Variants in CTNND2 observed in about 807,000 individuals in gnomAD.
CTNND2 encodes the protein catenin delta-2.
CTNND2 carries 22 observed loss-of-function variants against 144.4 expected under a neutral mutation model. The ratio of observed to expected loss-of-function variants is 0.15; its 90% CI spans 0.11 to 0.22. CTNND2 has a LOEUF of 0.22. Among genes scored for constraint, CTNND2 ranks in the 10% least tolerant of loss-of-function variants. The pLI, the probability that CTNND2 is intolerant of heterozygous loss-of-function variation, is 1.00. For synonymous variants in CTNND2, 751 were observed against 695.6 expected (o/e 1.08, Z -1.25); for missense variants, 1,353 against 1,618.8 (o/e 0.84, Z 2.82).
At chr5:11,540,033 C>T (rs1025285076) in intron 3 of CTNND2, among the ~76,000 whole-genome samples, 3 of 151,682 alleles carry the variant, frequency 2.0e-5, no homozygotes, top group Non-Finnish European at 4.4e-5. Context: ...GACTCGGCCT[C>T]AAAAATTAAA....
At chr5:11,550,644 C>T (rs1411214115) in intron 3 of CTNND2, among the ~76,000 whole-genome samples, 1 of 152,198 alleles carries the variant, frequency 6.6e-6, no homozygotes, top group Non-Finnish European at 1.5e-5. Context: ...AAGACTGGGA[C>T]TTATGAATAC....
chr5:11,411,834 T>C (rs1235141199), intron 4 of CTNND2, among the ~76,000 whole-genome samples, 182 bp from the exon 5 acceptor site: 1 of 152,244 alleles, frequency 6.6e-6, no homozygotes, highest in Non-Finnish European at 1.5e-5. Flanking sequence ...CAATTTCATG[T>C]ACCCTTGAAG....
At chr5:11,572,382 T>A (rs1425337874) in intron 2 of CTNND2, among the ~76,000 whole-genome samples, 1 of 152,184 alleles carries the variant, frequency 6.6e-6, no homozygotes, top group Non-Finnish European at 1.5e-5. Flanking sequence ...TTTGGGTTCA[T>A]ACCTAGTTCT....
intron 7 of CTNND2, among the ~76,000 whole-genome samples, chr5:11,371,141 T>C (rs1159208172): frequency 1.3e-5 from 2 of 152,174 alleles, no homozygotes; most frequent in Non-Finnish European, 2.9e-5. Flanking sequence ...CCCATGATGA[T>C]AGGTCAGCAT....
At chr5:11,106,382 A>T (rs956800581) in intron 14 of CTNND2, among the ~76,000 whole-genome samples, 12 of 152,190 alleles carry the variant, frequency 7.9e-5, no homozygotes, top group Admixed American at 5.2e-4. Context: ...TCCTCATTCC[A>T]GTGTGAAGAA....
At chr5:11,073,882 G>C (rs997041729) in intron 16 of CTNND2, among the ~76,000 whole-genome samples, 1 of 152,096 alleles carries the variant, frequency 6.6e-6, no homozygotes, top group Non-Finnish European at 1.5e-5. Context: ...TAAGAAATAA[G>C]GTTTCTTTTT....
chr5:11,615,225 C>T (rs1780523704), intron 2 of CTNND2, among the ~76,000 whole-genome samples: 1 of 152,090 alleles, frequency 6.6e-6, no homozygotes, highest in African/African-American at 2.4e-5. Context: ...CAAAAGAAAT[C>T]ACCATTACCT....
intron 9 of CTNND2, among the ~76,000 whole-genome samples, chr5:11,273,647 A>C (rs532917027): frequency 3.3e-5 from 5 of 152,206 alleles, no homozygotes; most frequent in Non-Finnish European, 5.9e-5. Flanking sequence ...TAAGCATTGC[A>C]GGGAGATGAG....
chr5:11,598,263 T>A (rs1452039327), intron 2 of CTNND2, among the ~76,000 whole-genome samples: 1 of 152,168 alleles, frequency 6.6e-6, no homozygotes, highest in Non-Finnish European at 1.5e-5. Context: ...CACCACATCA[T>A]GTTCTTATTG....
intron 1 of CTNND2, among the ~76,000 whole-genome samples, chr5:11,733,602 C>A (rs193199094): frequency 1.3e-5 from 2 of 152,230 alleles, no homozygotes; most frequent in East Asian, 3.9e-4. Flanking sequence ...TAAAGAGATA[C>A]CTGAATTAAC....
intron 16 of CTNND2, among the ~76,000 whole-genome samples, chr5:11,055,147 G>T (rs1253341458): frequency 6.6e-6 from 1 of 152,134 alleles, no homozygotes; most frequent in Non-Finnish European, 1.5e-5. Context: ...AAGGACGTAG[G>T]TACTGAATGA....
At chr5:11,196,252 G>GT (rs1439770975) in intron 11 of CTNND2, among the ~76,000 whole-genome samples, 3 of 152,252 alleles carry the variant, frequency 2.0e-5, no homozygotes, top group African/African-American at 7.2e-5. Context: ...CTGTGCTTTA[G>GT]TTTTTTAAAA....
At chr5:11,682,545 G>A (rs1055970780) in intron 2 of CTNND2, among the ~76,000 whole-genome samples, 3 of 152,152 alleles carry the variant, frequency 2.0e-5, no homozygotes, top group African/African-American at 7.2e-5. Context: ...GAGAAAAAAG[G>A]TTCCTCCTTT....
At chr5:11,706,968 C>T (rs1301839144) in intron 2 of CTNND2, among the ~76,000 whole-genome samples, 2 of 151,544 alleles carry the variant, frequency 1.3e-5, no homozygotes, top group Non-Finnish European at 2.9e-5. Context: ...CGCCTGTAGT[C>T]CCAGCTACTC....
chr5:10,993,127 G>A (rs898616051), intron 18 of CTNND2, among the ~76,000 whole-genome samples: 3 of 152,080 alleles, frequency 2.0e-5, no homozygotes, highest in East Asian at 3.9e-4. Flanking sequence ...CCAGGGCAGC[G>A]TCCTCCCTTC....
intron 15 of CTNND2, among the ~76,000 whole-genome samples, chr5:11,085,723 G>T (rs572311123): frequency 6.6e-6 from 1 of 152,222 alleles, no homozygotes; most frequent in Non-Finnish European, 1.5e-5. Flanking sequence ...CCATGCTGGG[G>T]AAAGAAAGGA....
chr5:11,439,843 A>T (rs980707988), intron 3 of CTNND2, among the ~76,000 whole-genome samples: 7 of 146,358 alleles, frequency 4.8e-5, no homozygotes, highest in South Asian at 4.3e-4. Context: ...ATATATATTT[A>T]TTTTTTTTTT....
intron 8 of CTNND2, among the ~76,000 whole-genome samples, chr5:11,357,150 A>G (rs1755973796): frequency 6.6e-6 from 1 of 152,142 alleles, no homozygotes; most frequent in Non-Finnish European, 1.5e-5. Flanking sequence ...TAGAGTTACC[A>G]TGTGATCCAG....
intron 3 of CTNND2, among the ~76,000 whole-genome samples, chr5:11,484,347 G>A (rs190878796): frequency 3.1e-4 from 47 of 152,296 alleles, no homozygotes; most frequent in African/African-American, 1.1e-3. Flanking sequence ...ACAGCACTAT[G>A]ACAATGCCTA....
Sources: allele counts gnomAD v4.1 joint callset (sites outside exome capture counted in the v4.1 genomes callset), GRCh38; gene constraint gnomAD v4.1.1; transcripts MANE v1.5; gene names NCBI Gene and HGNC (gene_info 2026-07-23, HGNC 2026-07-21).